Variants in CNOT9 observed in about 807,000 individuals in gnomAD.
The protein encoded by CNOT9 is RCD1 required for cell differentiation1 homolog.
A neutral mutation model predicts 37.4 loss-of-function variants in CNOT9; 8 were observed. That is an observed-to-expected ratio of 0.21 (90% CI 0.13 to 0.39). The LOEUF is 0.39. Among genes scored for constraint, CNOT9 ranks in the 10% least tolerant of loss-of-function variants. CNOT9 has a pLI of 1.00. For synonymous variants in CNOT9, 120 were observed against 137.6 expected (o/e 0.87, Z 0.90); for missense variants, 154 against 365.3 (o/e 0.42, Z 4.71).
intron 1 of CNOT9, among the ~76,000 whole-genome samples, chr2:218,579,062 A>G (rs1694277025): frequency 6.6e-6 from 1 of 152,172 alleles, no homozygotes; most frequent in South Asian, 2.1e-4. Flanking sequence ...TTGAGGGGGG[A>G]TGTCAGAATC....
intron 5 of CNOT9, 103 bp downstream of exon 5, chr2:218,587,798 A>C (rs1051731699): frequency 1.6e-5 from 8 of 502,520 alleles, no homozygotes; most frequent in African/African-American, 1.6e-4. Flanking sequence ...ATTTGTATGA[A>C]TATTTTCTGT....
intron 1 of CNOT9, among the ~76,000 whole-genome samples, chr2:218,579,147 A>T (rs949151820): frequency 2.6e-5 from 4 of 152,182 alleles, no homozygotes; most frequent in East Asian, 1.9e-4. Context: ...ATGGTTTTTT[A>T]AAAAAAGTTT....
rs1231801636 is a variant in CNOT9, at chr2:218,596,254, T to C, written c.*1978T>C. The C allele has an allele frequency of 6.6e-6, 1 of 152,186 alleles. No individual in the cohort carries two copies. Among genetic ancestry groups the C allele is most frequent in the Non-Finnish European group, 1.5e-5 (1 of 68,082 alleles). The allele number at this position is 152,186 out of a possible 1,614,324, so 9.4% of individuals were successfully genotyped here. ...GTCTTAATTCTTGTCCCATCTATTC[T>C]CAGCTGGCCTTGGAACCCACATAGG... On this transcript the variant is annotated 3_prime_UTR_variant, in exon 8 of 8. Transcript: ENST00000273064.
rs571191809 is a variant in CNOT9, at chr2:218,591,166, A to G, written c.541-1138A>G. ...TAGGGCCTGGATATCTTTGAGAGCC[A>G]TTATTCAGCCTACTACAGTGTTATA... On this transcript the variant is annotated intron_variant, in intron 5 of 7. Coordinates refer to ENST00000273064, the MANE Select transcript of CNOT9 (RefSeq NM_005444.3). 2.0e-5 allele frequency among the ~76,000 whole-genome samples: 3 copies of G among 152,306 alleles called. No individual in the cohort carries two copies. The East Asian group carries it at 5.8e-4, about 29-fold the overall frequency.
rs57839540 is a variant in CNOT9 at position 218,595,404 on chromosome 2, C to CTTTTTTTTTTTTTTTTTTTTTT, written c.*1135_*1156dup. 2.9e-4 allele frequency: 15 copies of CTTTTTTTTTTTTTTTTTTTTTT among 50,942 alleles called. 1 individual carries two copies. Among genetic ancestry groups the CTTTTTTTTTTTTTTTTTTTTTT allele is most frequent in the East Asian group, 2.1e-3 (2 of 944 alleles). 3.2% of individuals were successfully genotyped at this position (50,942 alleles called of 1,614,324 possible). ...GAGGGCTGGGTTCTGCTCACTCAGTCTTTTTTTTTTTTTTTTTTTTTTTTT... is the reference window on the plus strand; with the variant it reads ...GAGGGCTGGGTTCTGCTCACTCAGTCTTTTTTTTTTTTTTTTTTTTTTTTTTTTTTTTTTTTTTTTTTTTTTT... On this transcript the variant is annotated 3_prime_UTR_variant, in exon 8 of 8. Coordinates refer to ENST00000273064, the MANE Select transcript of CNOT9 (RefSeq NM_005444.3).
chr2:218,581,817 C>G (rs1285243282), intron 2 of CNOT9, among the ~76,000 whole-genome samples: 1 of 152,118 alleles, frequency 6.6e-6, no homozygotes, highest in Non-Finnish European at 1.5e-5. Flanking sequence ...TGCAGTGGGT[C>G]ATGCTTGTAA....
chr2:218,593,022 G>A (rs551436340), intron 7 of CNOT9: 1 of 314,222 alleles, frequency 3.2e-6, no homozygotes, highest in Non-Finnish European at 5.9e-6. Flanking sequence ...GTCAGAGAGA[G>A]AAGTATATTT....
Position 218,568,987 on chromosome 2 carries a change from C to T in CNOT9, c.24+9C>T, listed in dbSNP as rs1353364570. ...GCCTGGCGACGGCTGCGGTGAGTGGCTGGGCCCCCAGGCTTGGAACCAGAA... is the reference window on the plus strand; with the variant it reads ...GCCTGGCGACGGCTGCGGTGAGTGGTTGGGCCCCCAGGCTTGGAACCAGAA... On this transcript the variant is annotated intron_variant, in intron 1 of 7. Transcript: ENST00000273064. 1.2e-5 allele frequency: 20 copies of T among 1,611,366 alleles called. No homozygotes were observed. The highest frequency in any genetic ancestry group is 1.7e-5 in the Non-Finnish European group (20 of 1,178,880).
At chr2:218,571,277 C>G (rs559345897) in intron 1 of CNOT9, among the ~76,000 whole-genome samples, 14 of 152,260 alleles carry the variant, frequency 9.2e-5, no homozygotes, top group African/African-American at 3.4e-4. Context: ...AGAATGTAAG[C>G]CGGGTGGTGT....
At position 218,583,081 on chromosome 2, in the gene CNOT9, A is replaced by G. The variant is rs1472770489; in HGVS notation, c.315A>G (p.Glu105=). Residue 105 remains glutamate (E), a synonymous_variant, in exon 3 of 8, where the codon GAA becomes GAG. Coordinates refer to ENST00000273064, the MANE Select transcript of CNOT9 (RefSeq NM_005444.3). ...TGCAATGTGTAGCATCACATCCAGAAACCAGGTAAATGCTTTGGGTGAGTC... is the reference window on the plus strand; with the variant it reads ...TGCAATGTGTAGCATCACATCCAGAGACCAGGTAAATGCTTTGGGTGAGTC... The part of the protein sequence containing the change: ...ALLQCVASHP[E]TRSAFLAAHI... The G allele has an allele frequency of 6.2e-7, 1 of 1,606,702 alleles. No individual in the cohort carries two copies. The highest frequency in any genetic ancestry group is 1.3e-5 in the African/African-American group (1 of 74,754).
rs1694872599 is a variant in CNOT9, at chr2:218,594,440, C to T, written c.*164C>T. The T allele has an allele frequency of 1.3e-5, 10 of 762,154 alleles. No homozygotes were observed. In the South Asian group the frequency reaches 1.9e-4, roughly 15 times the overall value. 47.2% of individuals were successfully genotyped at this position (762,154 alleles called of 1,614,324 possible). ...ACCCCTGCTGAGGTGTATGGGCTGC[C>T]ATCTCAGGCTGTCTTGAGGACCTGG... On this transcript the variant is annotated 3_prime_UTR_variant, in exon 8 of 8. Coordinates refer to ENST00000273064, the MANE Select transcript of CNOT9 (RefSeq NM_005444.3).
chr2:218,583,745 T>C (rs1694495065), intron 3 of CNOT9, among the ~76,000 whole-genome samples: 1 of 152,202 alleles, frequency 6.6e-6, no homozygotes, highest in South Asian at 2.1e-4. Flanking sequence ...CTTACACAGC[T>C]TTAGAGAAAT....
At chr2:218,569,081 T>C in intron 1 of CNOT9, 103 bp downstream of exon 1, 2 of 1,317,508 alleles carry the variant, frequency 1.5e-6, no homozygotes, top group Non-Finnish European at 2.1e-6. Context: ...TCTGATTTTT[T>C]TCTGCCCTCA....
At chr2:218,573,041 CG>C (rs1694050185) in intron 1 of CNOT9, among the ~76,000 whole-genome samples, 1 of 151,968 alleles carries the variant, frequency 6.6e-6, no homozygotes, top group African/African-American at 2.4e-5. Context: ...CATTCTGGGC[CG>C]GGCATGGTGG....
At chr2:218,577,748 G>T (rs1044916261) in intron 1 of CNOT9, among the ~76,000 whole-genome samples, 1 of 152,174 alleles carries the variant, frequency 6.6e-6, no homozygotes, top group Non-Finnish European at 1.5e-5. Context: ...TCACACACTG[G>T]CTCCAGTAGG....
intron 1 of CNOT9, among the ~76,000 whole-genome samples, chr2:218,575,394 T>C (rs548583866): frequency 1.4e-5 from 2 of 142,582 alleles, no homozygotes; most frequent in South Asian, 2.1e-4. Context: ...TTTCTTTTTT[T>C]TTTTTTTTTT....
In CNOT9 at chr2:218,594,320, G is replaced by GGC; in HGVS notation, c.*44_*45insGC. 2 of 1,557,854 alleles carry GGC rather than the reference G, an allele frequency of 1.3e-6. No homozygotes were observed. The highest frequency in any genetic ancestry group is 1.2e-5 in the South Asian group (1 of 85,980). On this transcript the variant is annotated 3_prime_UTR_variant, in exon 8 of 8. Coordinates refer to ENST00000273064, the MANE Select transcript of CNOT9 (RefSeq NM_005444.3). The stretch of plus-strand genomic sequence containing the variant: ...CACTACTCCCCCAAGTTGGGGAAAG[G>GGC]AGGGGGAACCTACGAGAAAAACAGC...
intron 1 of CNOT9, among the ~76,000 whole-genome samples, chr2:218,572,443 C>T (rs1023302020): frequency 6.7e-6 from 1 of 149,906 alleles, no homozygotes; most frequent in African/African-American, 2.5e-5. Flanking sequence ...AAGGCTCACA[C>T]ACCTATAATC....
At chr2:218,572,244 C>T (rs1056282643) in intron 1 of CNOT9, among the ~76,000 whole-genome samples, 1 of 152,036 alleles carries the variant, frequency 6.6e-6, no homozygotes, top group Non-Finnish European at 1.5e-5. Context: ...TCACTTGAAC[C>T]CAGGATGTGG....
Sources: allele counts gnomAD v4.1 joint callset (sites outside exome capture counted in the v4.1 genomes callset), GRCh38; gene constraint gnomAD v4.1.1; transcripts MANE v1.5; gene names NCBI Gene and HGNC (gene_info 2026-07-23, HGNC 2026-07-21).